CHRM2: variants seen among roughly 807,000 people sequenced by gnomAD.
The protein encoded by CHRM2 is cholinergic receptor muscarinic 2, also known as muscarinic acetylcholine receptor M2.
A neutral mutation model predicts 25.0 loss-of-function variants in CHRM2; 8 were observed. That is an observed-to-expected ratio of 0.32 (90% CI 0.19 to 0.58). CHRM2 has a LOEUF of 0.58. Among genes scored for constraint, CHRM2 ranks in the 20% least tolerant of loss-of-function variants. CHRM2 has a pLI of 0.88. For synonymous variants in CHRM2, 202 were observed against 205.7 expected (o/e 0.98, Z 0.15); for missense variants, 440 against 567.1 (o/e 0.78, Z 2.28).
intron 2 of CHRM2, among the ~76,000 whole-genome samples, chr7:136,895,728 T>C (rs906666043): frequency 3.9e-5 from 6 of 152,194 alleles, no homozygotes; most frequent in African/African-American, 1.4e-4. Flanking sequence ...AATGATTCTT[T>C]TGGCCAATCG....
rs1383280182 is a variant in CHRM2 at position 137,019,063 on chromosome 7, C to A, written c.*2797C>A. On this transcript the variant is annotated 3_prime_UTR_variant, in exon 4 of 4. Coordinates refer to ENST00000680005, the MANE Select transcript of CHRM2 (RefSeq NM_001006630.2). Reference sequence around the variant, plus strand: ...TAGCCTATAATGCTCAGGACATTTTCCCCCAACCCCTTTAAACAAATATTA... The same window carrying A: ...TAGCCTATAATGCTCAGGACATTTTACCCCAACCCCTTTAAACAAATATTA... The A allele has an allele frequency of 6.6e-6, 1 of 151,808 alleles. No homozygotes were observed. The highest frequency in any genetic ancestry group is 1.5e-5 in the Non-Finnish European group (1 of 67,880). 9.4% of individuals were successfully genotyped at this position (151,808 alleles called of 1,614,324 possible). A position where few individuals can be genotyped will look rare whatever the true frequency, so the allele number is the denominator to read the frequency against.
At chr7:136,893,098 C>T (rs1475330243) in intron 2 of CHRM2, among the ~76,000 whole-genome samples, 3 of 152,120 alleles carry the variant, frequency 2.0e-5, no homozygotes, top group Admixed American at 6.5e-5. Flanking sequence ...TTGTTCTTCT[C>T]GCTTCTTAAG....
intron 2 of CHRM2, among the ~76,000 whole-genome samples, chr7:136,879,505 A>G (rs1344146478): frequency 2.0e-5 from 3 of 151,982 alleles, no homozygotes; most frequent in African/African-American, 7.2e-5. Context: ...ATGACTGTCT[A>G]TTGGGAAATG....
intron 2 of CHRM2, among the ~76,000 whole-genome samples, chr7:136,889,422 A>G (rs78144736): frequency 6.6e-6 from 1 of 152,116 alleles, no homozygotes; most frequent in African/African-American, 2.4e-5. Context: ...AATCTGGGTG[A>G]GGTGGGCATT....
At chr7:136,901,623 C>T (rs1797214696) in intron 2 of CHRM2, among the ~76,000 whole-genome samples, 4 of 151,840 alleles carry the variant, frequency 2.6e-5, no homozygotes, top group Admixed American at 2.0e-4. Context: ...TTTTTTCCCC[C>T]ATTTCCATTG....
At chr7:136,920,396 T>G (rs1203270234) in intron 2 of CHRM2, among the ~76,000 whole-genome samples, 1 of 152,170 alleles carries the variant, frequency 6.6e-6, no homozygotes, top group Non-Finnish European at 1.5e-5. Context: ...AGGTCTCACA[T>G]TCATTTACAT....
chr7:136,897,281 A>C (rs1284535918), intron 2 of CHRM2, among the ~76,000 whole-genome samples: 2 of 152,086 alleles, frequency 1.3e-5, no homozygotes, highest in Non-Finnish European at 1.5e-5. Context: ...CTAAGAGGAG[A>C]ATCAGGGTAA....
intron 2 of CHRM2, among the ~76,000 whole-genome samples, chr7:136,887,093 G>A (rs1796498202): frequency 6.6e-6 from 1 of 152,098 alleles, no homozygotes; most frequent in African/African-American, 2.4e-5. Context: ...TTGTATTCAG[G>A]CTTTTTATGA....
chr7:137,000,353 T>C (rs1405692174), intron 3 of CHRM2, among the ~76,000 whole-genome samples: 1 of 151,224 alleles, frequency 6.6e-6, no homozygotes, highest in African/African-American at 2.4e-5. Context: ...TGCCCGCCAC[T>C]ATGCCCAGCT....
At chr7:136,978,560 T>C (rs532913376) in intron 2 of CHRM2, among the ~76,000 whole-genome samples, 241 of 152,278 alleles carry the variant, frequency 1.6e-3, no homozygotes, top group African/African-American at 5.4e-3. Context: ...CATCAACCCA[T>C]GTTCTACATG....
At chr7:136,997,965 C>A (rs1803715132) in intron 3 of CHRM2, among the ~76,000 whole-genome samples, 1 of 152,154 alleles carries the variant, frequency 6.6e-6, no homozygotes, top group Non-Finnish European at 1.5e-5. Flanking sequence ...AATCAGACAG[C>A]TGGAGAGACA....
At position 137,000,829 on chromosome 7, in the gene CHRM2, CTTTA is replaced by C. The variant is rs1646122125; in HGVS notation, c.-47+8568_-47+8571del. Among the ~76,000 whole-genome samples, 7 of 151,744 alleles carry C rather than the reference CTTTA, an allele frequency of 4.6e-5. No individual in the cohort carries two copies. The South Asian group carries it at 1.5e-3, about 32-fold the overall frequency. Reference sequence around the variant, plus strand: ...CCTTTGGCTTTTATATCCTTGTGTACTTTATTGAGTGATTCATAATTTTCCAATT... The same window carrying C: ...CCTTTGGCTTTTATATCCTTGTGTACTTGAGTGATTCATAATTTTCCAATT... On this transcript the variant is annotated intron_variant, in intron 3 of 3. Transcript: ENST00000680005.
At chr7:136,919,733 C>T (rs1798318887) in intron 2 of CHRM2, among the ~76,000 whole-genome samples, 1 of 152,046 alleles carries the variant, frequency 6.6e-6, no homozygotes, top group East Asian at 1.9e-4. Flanking sequence ...CCTTTCTCTC[C>T]ATTTCTAGGG....
intron 2 of CHRM2, chr7:136,914,078 T>C (rs556731339): frequency 6.6e-6 from 1 of 152,092 alleles, no homozygotes; most frequent in Admixed American, 6.6e-5. Flanking sequence ...CCTGCCTAAC[T>C]CAATCTCCTA....
In CHRM2 at chr7:137,015,894, C is replaced by T. The variant is rs1481148988; in HGVS notation, c.1029C>T (p.Thr343=). 31 of 1,613,026 alleles carry T rather than the reference C, an allele frequency of 1.9e-5. No homozygotes were observed. The highest frequency in any genetic ancestry group is 1.6e-4 in the Middle Eastern group (1 of 6,072). The change falls in exon 4 of 4, where the codon ACC becomes ACT. Residue 343 remains threonine, a synonymous_variant. Transcript: ENST00000680005. This position sits in a 1 kb window ranked among gnomAD's most constrained non-coding sequence, Gnocchi z 5.1. ...ACTCATGTACCCCAACTAATACCAC[C>T]GTGGAGGTAGTGGGGTCTTCAGGTC... The part of the protein sequence containing the change: ...KSDSCTPTNT[T]VEVVGSSGQN...
At chr7:137,003,554 T>C (rs1416089050) in intron 3 of CHRM2, among the ~76,000 whole-genome samples, 1 of 147,182 alleles carries the variant, frequency 6.8e-6, no homozygotes, top group Non-Finnish European at 1.5e-5. Context: ...GGTGAATAAA[T>C]ACAGGCCCAG....
At chr7:136,953,732 G>GAA (rs5887821) in intron 2 of CHRM2, among the ~76,000 whole-genome samples, 3 of 148,850 alleles carry the variant, frequency 2.0e-5, no homozygotes, top group Non-Finnish European at 4.5e-5. Flanking sequence ...AAAATTTAAT[G>GAA]AAAAAAAAAA....
chr7:136,934,468 C>T (rs1799298846), intron 2 of CHRM2, among the ~76,000 whole-genome samples: 1 of 152,086 alleles, frequency 6.6e-6, no homozygotes, highest in Admixed American at 6.5e-5. Flanking sequence ...ATAACTCTTC[C>T]ATCATCTAAT....
At chr7:136,921,264 T>A (rs572438021) in intron 2 of CHRM2, among the ~76,000 whole-genome samples, 2 of 152,120 alleles carry the variant, frequency 1.3e-5, no homozygotes, top group Non-Finnish European at 2.9e-5. Flanking sequence ...AGTCTTCCCA[T>A]CATCCTGGGT....
Sources: allele counts gnomAD v4.1 joint callset (sites outside exome capture counted in the v4.1 genomes callset), GRCh38; gene constraint gnomAD v4.1.1; non-coding constraint Gnocchi (gnomAD v3.1); transcripts MANE v1.5; gene names NCBI Gene and HGNC (gene_info 2026-07-23, HGNC 2026-07-21).